NAV3: variants seen among roughly 807,000 people sequenced by gnomAD.
NAV3 encodes the protein pore membrane and/or filament interacting like protein 1.
In NAV3, 87 loss-of-function variants were observed where a neutral mutation model predicts 244.7. The ratio of observed to expected loss-of-function variants is 0.36; its 90% CI spans 0.30 to 0.42. NAV3 has a LOEUF of 0.42. Ranked by LOEUF, NAV3 falls within the 20% of genes least tolerant of loss-of-function variation. The probability of loss-of-function intolerance (pLI) is 1.00; values close to 1 mark genes in which losing one functional copy is unlikely to be tolerated. For missense variants in NAV3, 2,663 were observed against 2,893.3 expected, an observed-to-expected ratio of 0.92 and a Z score of 1.83; for synonymous variants, 1,126 against 1,042.2, an observed-to-expected ratio of 1.08 and a Z score of -1.55.
intron 1 of NAV3, among the ~76,000 whole-genome samples, chr12:77,872,474 G>A (rs1881122226): frequency 6.6e-6 from 1 of 152,174 alleles, no homozygotes; most frequent in Admixed American, 6.5e-5. Flanking sequence ...AACTAAAAGT[G>A]AACCTTGAAG....
intron 2 of NAV3, among the ~76,000 whole-genome samples, chr12:77,794,934 A>C (rs1398994089): frequency 1.3e-5 from 2 of 152,128 alleles, no homozygotes; most frequent in East Asian, 3.9e-4. Flanking sequence ...GGGCCTTACT[A>C]TTCTCTGAGA....
At chr12:78,082,698 T>C (rs897008557) in intron 12 of NAV3, among the ~76,000 whole-genome samples, 4 of 152,196 alleles carry the variant, frequency 2.6e-5, no homozygotes, top group Admixed American at 2.6e-4. Flanking sequence ...TACAAACTTA[T>C]AACCCTCCAA....
At chr12:78,118,890 A>T (rs1478962531) in intron 14 of NAV3, among the ~76,000 whole-genome samples, 1 of 152,254 alleles carries the variant, frequency 6.6e-6, no homozygotes, top group East Asian at 1.9e-4. Context: ...AGGGTACTCC[A>T]AATATAATCA....
At chr12:78,158,337 G>A (rs888390699) in intron 22 of NAV3, among the ~76,000 whole-genome samples, 2 of 152,096 alleles carry the variant, frequency 1.3e-5, no homozygotes, top group Non-Finnish European at 2.9e-5. Flanking sequence ...ACCTCAGGCC[G>A]TGGTGAGAGA....
In NAV3 at chr12:77,687,605, C is replaced by T. The variant is rs530844066; in HGVS notation, c.72+115339C>T. Among the ~76,000 whole-genome samples, 11 of 152,142 alleles carry T rather than the reference C, an allele frequency of 7.2e-5. No homozygotes were observed. In the East Asian group the frequency reaches 2.1e-3, roughly 29 times the overall value. On this transcript the variant is annotated intron_variant, in intron 2 of 8. Transcript: ENST00000550042. ...GAGTTTTAAACGCACTATTGAGTTG[C>T]TCAATAACAGATCAAATTTGAGCAA...
intron 2 of NAV3, among the ~76,000 whole-genome samples, chr12:77,662,097 T>C (rs1873477873): frequency 6.6e-6 from 1 of 152,058 alleles, no homozygotes; most frequent in South Asian, 2.1e-4. Flanking sequence ...TGCTGGGATT[T>C]TGACAGAGAT....
intron 33 of NAV3, among the ~76,000 whole-genome samples, chr12:78,189,592 A>ATAT (rs1958883617): frequency 6.6e-6 from 1 of 151,174 alleles, no homozygotes; most frequent in African/African-American, 2.4e-5. Flanking sequence ...GTGTGTATAT[A>ATAT]ATCTTCACAT....
intron 2 of NAV3, among the ~76,000 whole-genome samples, chr12:77,824,591 A>G (rs1234299471): frequency 6.6e-6 from 1 of 152,018 alleles, no homozygotes; most frequent in Non-Finnish European, 1.5e-5. Context: ...TGAACAAAAC[A>G]TTAAAAAAAT....
chr12:77,598,370 A>G (rs765034809), intron 2 of NAV3, among the ~76,000 whole-genome samples: 15 of 152,210 alleles, frequency 9.9e-5, no homozygotes, highest in Admixed American at 2.0e-4. Flanking sequence ...CCAGTAATGT[A>G]TCATACCATT....
chr12:78,105,937 T>C (rs1189644734), intron 12 of NAV3, among the ~76,000 whole-genome samples: 2 of 151,528 alleles, frequency 1.3e-5, no homozygotes, highest in Admixed American at 1.3e-4. Flanking sequence ...TACTTAATAA[T>C]CTAATCCAGG....
intron 2 of NAV3, among the ~76,000 whole-genome samples, chr12:77,681,851 T>C (rs1874485558): frequency 6.6e-6 from 1 of 152,230 alleles, no homozygotes; most frequent in Non-Finnish European, 1.5e-5. Flanking sequence ...TTATCATTTG[T>C]TCCTTTTTTA....
intron 16 of NAV3, among the ~76,000 whole-genome samples, chr12:78,125,184 A>G (rs1030828854): frequency 6.6e-6 from 1 of 152,082 alleles, no homozygotes; most frequent in Non-Finnish European, 1.5e-5. Flanking sequence ...AAACCAAAGA[A>G]CTACACCAGA....
Position 78,020,741 on chromosome 12 carries a change from C to A in NAV3, c.1908-1006C>A, listed in dbSNP as rs186123942. Among the ~76,000 whole-genome samples, 350 of 151,814 alleles carry A rather than the reference C, an allele frequency of 2.3e-3. 2 individuals carry two copies. The highest frequency in any genetic ancestry group is 7.7e-3 in the African/African-American group (318 of 41,398). On this transcript the variant is annotated intron_variant, in intron 8 of 39. Transcript: ENST00000397909. ...GCAAAATGTTAATTAAGCATTGATT[C>A]AAAAATATAATACATTTTTATTCAT...
At chr12:77,957,186 T>C (rs895574864) in intron 3 of NAV3, among the ~76,000 whole-genome samples, 3 of 152,248 alleles carry the variant, frequency 2.0e-5, no homozygotes, top group African/African-American at 7.2e-5. Flanking sequence ...CCTTGCATTA[T>C]GACAATTTAT....
intron 2 of NAV3, among the ~76,000 whole-genome samples, chr12:77,662,624 A>C (rs1197967763): frequency 3.3e-5 from 5 of 152,164 alleles, no homozygotes; most frequent in Admixed American, 6.5e-5. Context: ...TTTTTGCGTA[A>C]ATTTCTCCAG....
At chr12:77,757,551 A>G (rs759672222) in intron 2 of NAV3, among the ~76,000 whole-genome samples, 1 of 152,216 alleles carries the variant, frequency 6.6e-6, no homozygotes, top group African/African-American at 2.4e-5. Flanking sequence ...TGAAAGAAAT[A>G]TCTACTAACA....
At chr12:77,981,655 A>G (rs567658183) in intron 5 of NAV3, among the ~76,000 whole-genome samples, 3 of 152,114 alleles carry the variant, frequency 2.0e-5, no homozygotes, top group Middle Eastern at 3.4e-3. Context: ...GTGAATTTGA[A>G]AGGAAATAAT....
At chr12:77,798,563 A>T (rs56119603) in intron 2 of NAV3, among the ~76,000 whole-genome samples, 1 of 1,178 alleles carries the variant, frequency 8.5e-4, no homozygotes, top group Non-Finnish European at 0.25. Flanking sequence ...AATAATAGTA[A>T]AACTTCTTTT....
rs539185021 is a variant in NAV3 at position 78,110,286 on chromosome 12, A to T, written c.2637-6486A>T. 5.9e-5 allele frequency among the ~76,000 whole-genome samples: 9 copies of T among 152,206 alleles called. No homozygotes were observed. The East Asian group carries it at 1.3e-3, about 23-fold the overall frequency. On this transcript the variant is annotated intron_variant, in intron 12 of 39. Transcript: ENST00000397909. ...AAAACACTGATGAAAGAAATTAAGGATTAAACAAACAAATTGAGAAACATC... is the reference window on the plus strand; with the variant it reads ...AAAACACTGATGAAAGAAATTAAGGTTTAAACAAACAAATTGAGAAACATC...
Sources: gnomAD v4.1 joint callset for allele counts (sites outside exome capture counted in the v4.1 genomes callset) on GRCh38, gnomAD v4.1.1 for gene constraint, MANE v1.5 for transcripts, NCBI Gene and HGNC (gene_info 2026-07-23, HGNC 2026-07-21) for gene names.